TTLL11: variants seen among roughly 807,000 people sequenced by gnomAD.
TTLL11 encodes tubulin polyglutamylase TTLL11.
In TTLL11, 42 loss-of-function variants were observed where a neutral mutation model predicts 51.7. The observed-to-expected ratio is 0.81, with a 90% CI of 0.64 to 1.05. The LOEUF is 1.05. TTLL11 is among the 50% of genes least tolerant of loss of function. TTLL11 has a pLI of 0.00. For missense variants in TTLL11, 799 were observed against 940.4 expected (o/e 0.85, Z 1.97); for synonymous variants, 381 against 383.5 (o/e 0.99, Z 0.08).
At chr9:122,085,289 A>G (rs979243711) in intron 1 of TTLL11, among the ~76,000 whole-genome samples, 1 of 152,184 alleles carries the variant, frequency 6.6e-6, no homozygotes, top group Non-Finnish European at 1.5e-5. Flanking sequence ...AAAGTATGAC[A>G]TAGGCACCAG....
At chr9:121,967,069 A>G (rs1327740152) in intron 6 of TTLL11, among the ~76,000 whole-genome samples, 1 of 152,040 alleles carries the variant, frequency 6.6e-6, no homozygotes, top group African/African-American at 2.4e-5. Flanking sequence ...TACAGACATG[A>G]TTAGGCCAAA....
intron 8 of TTLL11, among the ~76,000 whole-genome samples, chr9:121,859,427 G>T (rs1837935768): frequency 6.6e-6 from 1 of 152,092 alleles, no homozygotes; most frequent in South Asian, 2.1e-4. Flanking sequence ...CTTGAACCTG[G>T]GAGGCAGAGG....
Position 122,092,956 on chromosome 9 carries a change from G to A in TTLL11, c.193C>T (p.Pro65Ser), listed in dbSNP as rs1273590126. 3.2e-6 allele frequency: 5 copies of A among 1,579,466 alleles called. No homozygotes were observed. The South Asian group carries it at 4.6e-5, about 14-fold the overall frequency. ...GCCGCACTGGGCTGCGCCGGGGCCGGGGCCAGGACCTTGGGCTGCTCCTCC... is the reference window on the plus strand; with the variant it reads ...GCCGCACTGGGCTGCGCCGGGGCCGAGGCCAGGACCTTGGGCTGCTCCTCC... ...AGEEQPKVLAPAPAQPSAAEE... is the reference protein window; with the variant it reads ...AGEEQPKVLASAPAQPSAAEE... The change falls in exon 1 of 9, where the codon CCG (proline) becomes TCG (serine). Residue 65 changes from proline to serine, a missense_variant. Transcript: ENST00000321582.
chr9:121,977,074 T>C (rs1842728249), intron 4 of TTLL11, among the ~76,000 whole-genome samples: 1 of 152,214 alleles, frequency 6.6e-6, no homozygotes, highest in Non-Finnish European at 1.5e-5. Context: ...CCCAGTTCAA[T>C]GCCCAGTGGT....
chr9:122,090,009 C>A (rs568957976), intron 1 of TTLL11, among the ~76,000 whole-genome samples: 2 of 150,278 alleles, frequency 1.3e-5, no homozygotes, highest in South Asian at 4.2e-4. Context: ...CCAATGTGTT[C>A]TCTGAGTGGG....
intron 3 of TTLL11, among the ~76,000 whole-genome samples, chr9:122,023,089 T>TA (rs985690856): frequency 6.6e-6 from 1 of 151,142 alleles, no homozygotes; most frequent in Non-Finnish European, 1.5e-5. Context: ...AAAAGAAAAA[T>TA]AAAAAACACA....
At chr9:121,934,264 A>AAATAAATAAATCAATC (rs1424864629) in intron 6 of TTLL11, among the ~76,000 whole-genome samples, 37 of 151,878 alleles carry the variant, frequency 2.4e-4, no homozygotes, top group African/African-American at 8.7e-4. Context: ...ATAAATAAAT[A>AAATAAATAAATCAATC]AATCCATTCG....
chr9:121,875,591 C>T lies in TTLL11; in HGVS notation c.1482-4843G>A, dbSNP rs117568150. Reference sequence around the variant, plus strand: ...TTACTCAGCTGGAAGAAGGCACTAACGATACATCTGATATGTAAGAGGAAA... The same window carrying T: ...TTACTCAGCTGGAAGAAGGCACTAATGATACATCTGATATGTAAGAGGAAA... On this transcript the variant is annotated intron_variant, in intron 6 of 8. Transcript: ENST00000321582. 1.9e-4 allele frequency among the ~76,000 whole-genome samples: 29 copies of T among 152,232 alleles called. No homozygotes were observed. In the East Asian group the frequency reaches 3.1e-3, roughly 16 times the overall value.
chr9:121,922,524 C>G (rs1172930044), intron 6 of TTLL11, among the ~76,000 whole-genome samples: 17 of 152,192 alleles, frequency 1.1e-4, no homozygotes. Context: ...CAGTGACACT[C>G]TAGTGCCCCT....
At chr9:122,034,400 C>T (rs1844643402) in intron 2 of TTLL11, among the ~76,000 whole-genome samples, 1 of 152,214 alleles carries the variant, frequency 6.6e-6, no homozygotes, top group Admixed American at 6.5e-5. Flanking sequence ...TTCATGTCTC[C>T]AGGCAGTTTT....
At chr9:121,999,881 G>A (rs1843408927) in intron 3 of TTLL11, among the ~76,000 whole-genome samples, 1 of 152,216 alleles carries the variant, frequency 6.6e-6, no homozygotes, top group Non-Finnish European at 1.5e-5. Flanking sequence ...TGGGGAGCCA[G>A]GATCTGAACA....
At chr9:121,828,880 G>A (rs1289878147) in intron 8 of TTLL11, among the ~76,000 whole-genome samples, 5 of 152,104 alleles carry the variant, frequency 3.3e-5, no homozygotes, top group Middle Eastern at 3.4e-3. Flanking sequence ...CAGGAGGATC[G>A]CTTGAGCCCA....
chr9:121,905,980 A>C (rs1305635657), intron 6 of TTLL11, among the ~76,000 whole-genome samples: 2 of 152,164 alleles, frequency 1.3e-5, no homozygotes, highest in Non-Finnish European at 2.9e-5. Context: ...TTCATCTATA[A>C]TCTTTTGTTT....
chr9:122,051,883 C>G (rs183270159), intron 1 of TTLL11, among the ~76,000 whole-genome samples: 11 of 152,256 alleles, frequency 7.2e-5, no homozygotes, highest in Non-Finnish European at 1.6e-4. Context: ...CTACGCTCAA[C>G]AGAGAGACCT....
chr9:122,031,969 G>A (rs1844565731), intron 2 of TTLL11, 113 bp from the exon 3 acceptor site: 1 of 1,427,174 alleles, frequency 7.0e-7, no homozygotes, highest in Non-Finnish European at 9.4e-7. Flanking sequence ...TTTTCAGGCA[G>A]GATTTTTAAA....
intron 8 of TTLL11, among the ~76,000 whole-genome samples, chr9:121,851,176 G>A (rs1837655485): frequency 6.6e-6 from 1 of 152,220 alleles, no homozygotes; most frequent in South Asian, 2.1e-4. Context: ...GGCGCTCACG[G>A]AGGGGAGGGC....
At chr9:121,924,480 C>G (rs144960322) in intron 6 of TTLL11, among the ~76,000 whole-genome samples, 13 of 152,284 alleles carry the variant, frequency 8.5e-5, no homozygotes, top group African/African-American at 3.1e-4. Context: ...CTCATCACAA[C>G]GTAGCTGAAA....
chr9:122,076,571 A>G (rs1163691679), intron 1 of TTLL11, among the ~76,000 whole-genome samples: 1 of 152,174 alleles, frequency 6.6e-6, no homozygotes, highest in Non-Finnish European at 1.5e-5. Context: ...AACCAAAAGA[A>G]AAGTCTAACA....
At chr9:121,974,309 A>G (rs1354039672) in intron 5 of TTLL11, among the ~76,000 whole-genome samples, 185 bp from the exon 6 acceptor site, 2 of 152,242 alleles carry the variant, frequency 1.3e-5, no homozygotes, top group Non-Finnish European at 2.9e-5. Flanking sequence ...AACCAAATAC[A>G]TGAAGAGGAA....
Sources: allele counts gnomAD v4.1 joint callset (sites outside exome capture counted in the v4.1 genomes callset), GRCh38; gene constraint gnomAD v4.1.1; transcripts MANE v1.5; gene names NCBI Gene and HGNC (gene_info 2026-07-23, HGNC 2026-07-21).